Variants in EVC2 observed in about 807,000 individuals in gnomAD.
EVC2 encodes the protein EvC ciliary complex subunit 2.
EVC2 carries 148 observed loss-of-function variants against 149.3 expected under a neutral mutation model. The ratio of observed to expected loss-of-function variants is 0.99; its 90% CI spans 0.87 to 1.14. EVC2 has a LOEUF of 1.14. Among genes scored for constraint, EVC2 ranks in the 50% most tolerant of loss-of-function variants. The probability of loss-of-function intolerance (pLI) is 0.00; values close to 1 mark genes in which losing one functional copy is unlikely to be tolerated. For missense variants in EVC2, 1,854 were observed against 1,627.3 expected, an observed-to-expected ratio of 1.14 and a Z score of -2.40; for synonymous variants, 776 against 649.9, an observed-to-expected ratio of 1.19 and a Z score of -2.95.
In EVC2 at chr4:5,637,074, G is replaced by A. The variant is rs1287229762; in HGVS notation, c.1470+3440C>T. Among the ~76,000 whole-genome samples the A allele has an allele frequency of 6.6e-6, 1 of 152,186 alleles. No individual in the cohort carries two copies. Among genetic ancestry groups the A allele is most frequent in the Non-Finnish European group, 1.5e-5 (1 of 68,024 alleles). On this transcript the variant is annotated intron_variant, in intron 10 of 21. Transcript: ENST00000344408. The surrounding 1 kb of genome is among the most constrained non-coding windows in gnomAD (Gnocchi z 4.4). ...GTGGTGTGGGTGGGAGAGACAGGCT[G>A]CAGAAAAGCCCTGGAGAGAGCAGGG... is the stretch of plus-strand genomic sequence containing the variant.
intron 19 of EVC2, 139 bp downstream of exon 19, chr4:5,574,546 C>CCCA (rs1465614136): frequency 3.1e-5 from 26 of 845,210 alleles, no homozygotes; most frequent in Non-Finnish European, 5.0e-5. Context: ...CATGCTAGAG[C>CCCA]TTCGCACACA....
At position 5,677,263 on chromosome 4, in the gene EVC2, G is replaced by A. The variant is rs888438274; in HGVS notation, c.870+3997C>T. ...ACTGAGGCCCTCAGAGGTAAGTGACGTGCCCAAGCTCACATGCAATCAGTG... is the reference window on the plus strand; with the variant it reads ...ACTGAGGCCCTCAGAGGTAAGTGACATGCCCAAGCTCACATGCAATCAGTG... On this transcript the variant is annotated intron_variant, in intron 7 of 21. Transcript: ENST00000344408. This position sits in a 1 kb window ranked among gnomAD's most constrained non-coding sequence, Gnocchi z 4.3. Among the ~76,000 whole-genome samples, 6 of 152,148 alleles carry A rather than the reference G, an allele frequency of 3.9e-5. No homozygotes were observed. The highest frequency in any genetic ancestry group is 7.2e-5 in the African/African-American group (3 of 41,434).
chr4:5,646,129 T>C (rs1332466370), intron 9 of EVC2, among the ~76,000 whole-genome samples: 1 of 152,080 alleles, frequency 6.6e-6, no homozygotes, highest in African/African-American at 2.4e-5. Flanking sequence ...CTGGGTTTCA[T>C]CATGTTGGTC....
downstream of EVC2, among the ~76,000 whole-genome samples, chr4:5,560,505 C>T (rs1412017574): frequency 6.6e-6 from 1 of 152,084 alleles, no homozygotes; most frequent in Non-Finnish European, 1.5e-5. The surrounding 1 kb of genome is among the most constrained non-coding windows in gnomAD (Gnocchi z 4.1). Context: ...AACATCAGAT[C>T]TCGTGAGACT....
rs896132196 is a variant in EVC2, at chr4:5,575,145, T to A, written c.3273-373A>T. ...TCTACACCCACCATGTGCCCTTGGA[T>A]TGATGCAGACCCAGAACAAAAGGAT... On this transcript the variant is annotated intron_variant, in intron 18 of 21. Coordinates refer to ENST00000344408, the MANE Select transcript of EVC2 (RefSeq NM_147127.5). Among the ~76,000 whole-genome samples, 5 of 152,178 alleles carry A rather than the reference T, an allele frequency of 3.3e-5. No individual in the cohort carries two copies. The East Asian group carries it at 9.6e-4, about 29-fold the overall frequency.
chr4:5,652,559 G>A lies in EVC2; in HGVS notation c.1145+10548C>T, dbSNP rs116845626. Among the ~76,000 whole-genome samples, 511 of 152,248 alleles carry A rather than the reference G, an allele frequency of 3.4e-3. 14 individuals carry two copies. In the East Asian group the frequency reaches 0.06, roughly 18 times the overall value. ...AGGTGTCAGCTCATGCAAACGGTAGGCAGCTGTGCCAGGAAGTTAAGGTCC... is the reference window on the plus strand; with the variant it reads ...AGGTGTCAGCTCATGCAAACGGTAGACAGCTGTGCCAGGAAGTTAAGGTCC... On this transcript the variant is annotated intron_variant, in intron 9 of 21. Coordinates refer to ENST00000344408, the MANE Select transcript of EVC2 (RefSeq NM_147127.5).
intron 9 of EVC2, among the ~76,000 whole-genome samples, chr4:5,660,485 G>A (rs1718808430): frequency 6.6e-6 from 1 of 152,168 alleles, no homozygotes; most frequent in African/African-American, 2.4e-5. Flanking sequence ...CTACCTCTTT[G>A]TGTCACAGGA....
chr4:5,547,540 T>C (rs1224439415), intron 21 of EVC2, among the ~76,000 whole-genome samples: 2 of 152,164 alleles, frequency 1.3e-5, no homozygotes, highest in Non-Finnish European at 2.9e-5. Context: ...ATGGACCAAC[T>C]GGCATACACT....
At chr4:5,536,410 A>C in the EVC2 span, among the ~76,000 whole-genome samples, 1 of 152,204 alleles carries the variant, frequency 6.6e-6, no homozygotes, top group African/African-American at 2.4e-5. Flanking sequence ...AAATTTAAAA[A>C]CATTTGCATC....
chr4:5,607,535 G>A (rs752878108), intron 16 of EVC2, among the ~76,000 whole-genome samples: 26 of 151,994 alleles, frequency 1.7e-4, no homozygotes, highest in Non-Finnish European at 3.4e-4. Context: ...GGTCACTTTG[G>A]CCCCACAGGA....
At chr4:5,546,325 C>A (rs976262363) in intron 21 of EVC2, among the ~76,000 whole-genome samples, 1 of 152,118 alleles carries the variant, frequency 6.6e-6, no homozygotes, top group Non-Finnish European at 1.5e-5. Context: ...AAATGTCCAA[C>A]AACGATAGAC....
chr4:5,594,939 G>A (rs925170096), intron 16 of EVC2, among the ~76,000 whole-genome samples: 11 of 152,164 alleles, frequency 7.2e-5, no homozygotes, highest in African/African-American at 9.7e-5. Flanking sequence ...CTCCGGAGCC[G>A]ATGCGATCAA....
intron 16 of EVC2, among the ~76,000 whole-genome samples, chr4:5,602,005 T>C (rs1275038949): frequency 6.6e-6 from 1 of 152,182 alleles, no homozygotes. Context: ...CTGGGCATGG[T>C]GGCTCATGCC....
rs2151739532 is a variant in EVC2, at chr4:5,697,603, A to G, written c.273T>C (p.Phe91=). ...MIWPKVECCH[F]KTAVEAPLGM... ...AGAAGAAAAACTCACCTGCAGTCTTAAAGTGACAGCATTCCACTTTGGGCC... is the reference window on the plus strand; with the variant it reads ...AGAAGAAAAACTCACCTGCAGTCTTGAAGTGACAGCATTCCACTTTGGGCC... The change falls in exon 2 of 22, where the codon TTT becomes TTC. Residue 91 remains phenylalanine, a synonymous_variant. Transcript: ENST00000344408. The G allele has an allele frequency of 1.2e-6, 2 of 1,614,220 alleles. No homozygotes were observed. The highest frequency in any genetic ancestry group is 1.7e-6 in the Non-Finnish European group (2 of 1,180,030).
chr4:5,671,395 G>A (rs1384723249), intron 7 of EVC2, among the ~76,000 whole-genome samples: 1 of 152,212 alleles, frequency 6.6e-6, no homozygotes, highest in Admixed American at 6.5e-5. Flanking sequence ...AGTAGCAGCA[G>A]GGCAGGATTT....
intron 12 of EVC2, 96 bp downstream of exon 12, chr4:5,628,463 C>T (rs1716282450): frequency 6.7e-7 from 1 of 1,486,218 alleles, no homozygotes; most frequent in Non-Finnish European, 9.2e-7. Flanking sequence ...AAATATATCT[C>T]TTCTATTTAT....
At chr4:5,583,836 A>G (rs1365479683) in intron 17 of EVC2, among the ~76,000 whole-genome samples, 1 of 149,312 alleles carries the variant, frequency 6.7e-6, no homozygotes, top group African/African-American at 2.5e-5. Flanking sequence ...TATTTTGTTT[A>G]TGCTGTACTT....
At chr4:5,619,608 T>C (rs1006502087) in intron 14 of EVC2, among the ~76,000 whole-genome samples, 6 of 152,216 alleles carry the variant, frequency 3.9e-5, no homozygotes, top group African/African-American at 1.2e-4. Flanking sequence ...AGCCACCAGT[T>C]TGTGGTACTT....
intron 7 of EVC2, among the ~76,000 whole-genome samples, chr4:5,666,996 C>G (rs185555909): frequency 6.6e-6 from 1 of 152,120 alleles, no homozygotes; most frequent in Non-Finnish European, 1.5e-5. Context: ...AGAAGTGTGC[C>G]TGATGGCCTT....
Sources: gnomAD v4.1 joint callset for allele counts (sites outside exome capture counted in the v4.1 genomes callset) on GRCh38, gnomAD v4.1.1 for gene constraint, Gnocchi (gnomAD v3.1) non-coding constraint, MANE v1.5 for transcripts, NCBI Gene and HGNC (gene_info 2026-07-23, HGNC 2026-07-21) for gene names.